The following STAT2 variants were observed in gnomAD, a reference collection of about 807,000 sequenced individuals.
STAT2 encodes interferon alpha induced transcriptional activator.
STAT2 carries 51 observed loss-of-function variants against 122.3 expected under a neutral mutation model. The observed-to-expected ratio is 0.42, with a 90% confidence interval of 0.33 to 0.53. The LOEUF (loss-of-function observed/expected upper bound fraction) is 0.53, where lower values mean the gene tolerates loss of function less well. Among genes scored for constraint, STAT2 ranks in the 20% least tolerant of loss-of-function variants. The pLI is 0.10. For missense variants in STAT2, 736 were observed against 1,010.3 expected (o/e 0.73, Z 3.68); for synonymous variants, 351 against 394.9 (o/e 0.89, Z 1.32).
intron 22 of STAT2, 88 bp from the exon 23 acceptor site, chr12:56,344,223 A>G: frequency 6.1e-6 from 9 of 1,470,644 alleles, no homozygotes; most frequent in Non-Finnish European, 7.2e-6. Context: ...TAGTCTAAGA[A>G]GGCAGTAGGG....
intron 3 of STAT2, 27 bp downstream of exon 3, chr12:56,356,105 C>T (rs756489722): frequency 4.3e-6 from 7 of 1,609,308 alleles, no homozygotes; most frequent in Admixed American, 1.7e-5. Context: ...CCAGTGCTAC[C>T]CCATCACTCC....
At chr12:56,357,613 G>A (rs1879716458) in intron 1 of STAT2, among the ~76,000 whole-genome samples, 1 of 152,070 alleles carries the variant, frequency 6.6e-6, no homozygotes, top group Admixed American at 6.6e-5. Flanking sequence ...CCAAAGTGCT[G>A]GGATTACAGG....
chr12:56,354,094 C>T (rs74967169), intron 8 of STAT2, among the ~76,000 whole-genome samples: 4,942 of 127,352 alleles, frequency 0.039, 349 homozygotes, highest in African/African-American at 0.13. Context: ...ATAGTATGGA[C>T]AATATGATTC....
At chr12:56,352,371 T>TTTTTGG (rs1565655623) in intron 8 of STAT2, 19 of 28,460 alleles carry the variant, frequency 6.7e-4, no homozygotes, top group Non-Finnish European at 9.5e-4. Context: ...TTTTTTTTTT[T>TTTTTGG]GGTGGGGGTG....
chr12:56,343,285 G>A lies in STAT2; in HGVS notation c.*104C>T, dbSNP rs1876839634. ...GGCCTGAGTTTGAACAGTTAACACA[G>A]CTTGGAAGGGACACATGCCTGATTC... On this transcript the variant is annotated 3_prime_UTR_variant, in exon 24 of 24. Transcript: ENST00000314128. The A allele has an allele frequency of 2.0e-6, 3 of 1,502,812 alleles. No individual in the cohort carries two copies. Among genetic ancestry groups the A allele is most frequent in the African/African-American group, 2.8e-5 (2 of 72,120 alleles). 93.1% of individuals were successfully genotyped at this position (1,502,812 alleles called of 1,614,324 possible).
At chr12:56,344,212 C>G in intron 22 of STAT2, 77 bp from the exon 23 acceptor site, 1 of 1,485,234 alleles carries the variant, frequency 6.7e-7, no homozygotes, top group Non-Finnish European at 9.0e-7. Flanking sequence ...TAAGCAGAAG[C>G]TAGTCTAAGA....
Position 56,349,253 on chromosome 12 carries a change from G to C in STAT2, c.1350C>G (p.Thr450=). The C allele has an allele frequency of 6.2e-7, 1 of 1,614,166 alleles. No homozygotes were observed. Among genetic ancestry groups the C allele is most frequent in the Non-Finnish European group, 8.5e-7 (1 of 1,180,026 alleles). The stretch of plus-strand genomic sequence containing the variant: ...TGTTGGAAATAATCACCACAGGGAG[G>C]GTGTCCGTCTGGGGAGAAGACAGGA... The part of the protein sequence containing the change: ...QGLKQELKTD[T]LPVVIISNMN... The change falls in exon 16 of 24, where the codon ACC becomes ACG. Residue 450 remains threonine (T), a synonymous_variant. Transcript: ENST00000314128.
chr12:56,352,349 C>CTTTTTTT lies in STAT2; in HGVS notation c.783-906_783-900dup, dbSNP rs76024169. The CTTTTTTT allele has an allele frequency of 1.9e-4, 4 of 21,078 alleles. 1 individual carries two copies. The highest frequency in any genetic ancestry group is 3.6e-4 in the Non-Finnish European group (4 of 10,988). 1.3% of individuals were successfully genotyped at this position (21,078 alleles called of 1,614,324 possible). On this transcript the variant is annotated intron_variant, in intron 8 of 23. Transcript: ENST00000314128. ...TATTCTGGGAAACATTTGTAACTATCTTTTTTTTTTTTTTTTTTTTTTGGT... is the reference window on the plus strand; with the variant it reads ...TATTCTGGGAAACATTTGTAACTATCTTTTTTTTTTTTTTTTTTTTTTTTTTTTTGGT...
At chr12:56,346,667 C>A (rs1196242619) in intron 20 of STAT2, 43 bp from the exon 21 acceptor site, 2 of 1,609,576 alleles carry the variant, frequency 1.2e-6, no homozygotes, top group African/African-American at 1.3e-5. Context: ...AGGGAAGAGG[C>A]CGGGCCTTGG....
At chr12:56,346,086 G>C in intron 22 of STAT2, 60 bp downstream of exon 22, 1 of 1,612,770 alleles carries the variant, frequency 6.2e-7, no homozygotes, top group Non-Finnish European at 8.5e-7. Context: ...CCCTTTTGAC[G>C]ATTCACTGAA....
chr12:56,350,582 G>A, intron 11 of STAT2, 150 bp from the exon 12 acceptor site: 2 of 806,422 alleles, frequency 2.5e-6, no homozygotes, highest in South Asian at 1.8e-5. Flanking sequence ...GTCTCTCTAA[G>A]CCTGTATCTT....
chr12:56,345,713 A>C (rs1253994362), intron 22 of STAT2, among the ~76,000 whole-genome samples: 1 of 144,182 alleles, frequency 6.9e-6, no homozygotes, highest in African/African-American at 2.6e-5. Flanking sequence ...GCTTGAGCTC[A>C]GGAGGTCGAG....
At chr12:56,347,600 C>G (rs1877695460) in intron 19 of STAT2, among the ~76,000 whole-genome samples, 1 of 151,926 alleles carries the variant, frequency 6.6e-6, no homozygotes, top group East Asian at 1.9e-4. Flanking sequence ...CTCCTGGGTT[C>G]AAGCGATTCT....
intron 19 of STAT2, 84 bp from the exon 20 acceptor site, chr12:56,347,039 AAACAGCC>A: frequency 6.4e-7 from 1 of 1,557,588 alleles, no homozygotes; most frequent in Non-Finnish European, 8.7e-7. Context: ...TTGTATGGAG[AAACAGCC>A]CAGGTTTGGA....
In STAT2 at chr12:56,355,740, T is replaced by C; in HGVS notation, c.349A>G (p.Arg117Gly). ...MIFNLLLEEK[R>G]ILIQAQRAQL... ...GCCCTCTGAGCCTGGATCAAAATTCTTTTTTCTTCCAGAAGGAGGTTAAAG... is the reference window on the plus strand; with the variant it reads ...GCCCTCTGAGCCTGGATCAAAATTCCTTTTTCTTCCAGAAGGAGGTTAAAG... The change falls in exon 4 of 24, where the codon AGA becomes GGA. Residue 117 changes from arginine (R) to glycine (G), a missense_variant. Arg to Gly is a moderately radical substitution (Grantham distance 125, BLOSUM62 -2). Coordinates refer to ENST00000314128, the MANE Select transcript of STAT2 (RefSeq NM_005419.4). 1.9e-6 allele frequency: 3 copies of C among 1,614,130 alleles called. No individual in the cohort carries two copies. The highest frequency in any genetic ancestry group is 2.5e-6 in the Non-Finnish European group (3 of 1,180,016).
At chr12:56,348,334 G>A (rs986495946) in intron 19 of STAT2, among the ~76,000 whole-genome samples, 195 bp downstream of exon 19, 1 of 151,768 alleles carries the variant, frequency 6.6e-6, no homozygotes, top group Non-Finnish European at 1.5e-5. Flanking sequence ...TGATCCGCCC[G>A]CCTCGGCCTC....
chr12:56,359,072 A>T (rs1184751217), intron 1 of STAT2, among the ~76,000 whole-genome samples: 1 of 152,216 alleles, frequency 6.6e-6, no homozygotes, highest in African/African-American at 2.4e-5. Context: ...TAAAAAGGTC[A>T]CATGATTTTA....
chr12:56,346,160 A>G lies in STAT2; in HGVS notation c.2088T>C (p.Ile696=), dbSNP rs1164801425. 7 of 1,614,084 alleles carry G rather than the reference A, an allele frequency of 4.3e-6. No individual in the cohort carries two copies. The highest frequency in any genetic ancestry group is 5.9e-6 in the Non-Finnish European group (7 of 1,180,032). ...TCATATCTCACCTATTAGAGACCAC[A>G]ATGAGCCTGTGTTTCAGGTATTTCC... is the stretch of plus-strand genomic sequence containing the variant. ...ERRKYLKHRL[I]VVSNRQVDEL... The change falls in exon 22 of 24, where the codon ATT becomes ATC. Residue 696 remains isoleucine, a synonymous_variant. Transcript: ENST00000314128.
intron 8 of STAT2, among the ~76,000 whole-genome samples, chr12:56,354,234 A>G (rs1879158621): frequency 6.6e-6 from 1 of 150,824 alleles, no homozygotes; most frequent in Admixed American, 6.6e-5. Flanking sequence ...ATTAAAAAAG[A>G]AGGAAAAACC....
Sources: gnomAD v4.1 joint callset for allele counts (sites outside exome capture counted in the v4.1 genomes callset) on GRCh38, gnomAD v4.1.1 for gene constraint, MANE v1.5 for transcripts, NCBI Gene and HGNC (gene_info 2026-07-23, HGNC 2026-07-21) for gene names.